BRINP3: variants seen among roughly 807,000 people sequenced by gnomAD.
The protein encoded by BRINP3 is BMP/retinoic acid inducible neural specific 3.
BRINP3 carries 19 observed loss-of-function variants against 71.0 expected under a neutral mutation model. The ratio of observed to expected loss-of-function variants is 0.27; its 90% CI spans 0.19 to 0.39. The LOEUF (loss-of-function observed/expected upper bound fraction) is 0.39. Ranked by LOEUF, BRINP3 falls within the 10% of genes least tolerant of loss-of-function variation. BRINP3 has a pLI of 1.00. For missense variants in BRINP3, 959 were observed against 940.8 expected (o/e 1.02, Z -0.25); for synonymous variants, 380 against 337.7 (o/e 1.13, Z -1.37).
Position 190,203,776 on chromosome 1 carries a change from T to TAC in BRINP3, c.961+22305_961+22306insGT, listed in dbSNP as rs1655234664. Among the ~76,000 whole-genome samples the TAC allele has an allele frequency of 2.5e-5, 2 of 80,508 alleles. 1 individual carries two copies. The highest frequency in any genetic ancestry group is 1.2e-4 in the African/African-American group (2 of 17,236). The allele number at this position is 80,508 out of a possible 152,430, so 52.8% of individuals were successfully genotyped here. A position where few individuals can be genotyped will look rare whatever the true frequency, so the allele number is the denominator to read the frequency against. On this transcript the variant is annotated intron_variant, in intron 6 of 7. Transcript: ENST00000367462. Reference sequence around the variant, plus strand: ...ATATATATATATATATATATATATATATATATATATATATATATATATATA... The same window carrying TAC: ...ATATATATATATATATATATATATATACATATATATATATATATATATATATA...
intron 2 of BRINP3, among the ~76,000 whole-genome samples, chr1:190,364,327 G>T (rs1669347539): frequency 1.3e-5 from 2 of 152,068 alleles, no homozygotes; most frequent in African/African-American, 2.4e-5. Flanking sequence ...AGATTGAAAT[G>T]ATACTTGAAT....
intron 6 of BRINP3, among the ~76,000 whole-genome samples, chr1:190,214,286 T>G (rs1656223716): frequency 6.6e-6 from 1 of 152,060 alleles, no homozygotes; most frequent in South Asian, 2.1e-4. Context: ...ATAAATAACT[T>G]GCTTTTGGTT....
At chr1:190,284,454 T>C (rs1663269101) in intron 2 of BRINP3, among the ~76,000 whole-genome samples, 1 of 152,034 alleles carries the variant, frequency 6.6e-6, no homozygotes, top group East Asian at 1.9e-4. Context: ...ATGAATAAAT[T>C]GCCATTCAAA....
At chr1:190,109,758 C>A (rs1571721951) in intron 7 of BRINP3, among the ~76,000 whole-genome samples, 1 of 152,182 alleles carries the variant, frequency 6.6e-6, no homozygotes, top group South Asian at 2.1e-4. Flanking sequence ...TTTTCCCTGC[C>A]CTTGGGCATC....
intron 2 of BRINP3, among the ~76,000 whole-genome samples, chr1:190,383,616 GA>G (rs1230278715): frequency 6.6e-6 from 1 of 151,920 alleles, no homozygotes; most frequent in Non-Finnish European, 1.5e-5. Context: ...TTTCAAATAA[GA>G]AACCCTAGAA....
intron 6 of BRINP3, among the ~76,000 whole-genome samples, chr1:190,204,617 C>T (rs147222485): frequency 5.6e-4 from 85 of 152,082 alleles, no homozygotes; most frequent in Admixed American, 9.8e-4. Flanking sequence ...ACCAGAGTAG[C>T]TCATCCATCA....
intron 2 of BRINP3, among the ~76,000 whole-genome samples, chr1:190,425,654 A>T (rs1673655815): frequency 6.6e-6 from 1 of 151,824 alleles, no homozygotes; most frequent in African/African-American, 2.4e-5. Context: ...TACTAGAAAC[A>T]TGATCTGTAA....
chr1:190,384,926 C>A (rs1360304590), intron 2 of BRINP3, among the ~76,000 whole-genome samples: 5 of 151,856 alleles, frequency 3.3e-5, no homozygotes, highest in Non-Finnish European at 5.9e-5. Context: ...ATATCTACAA[C>A]TATCTGATCT....
intron 3 of BRINP3, among the ~76,000 whole-genome samples, chr1:190,265,871 GTA>G (rs1403643257): frequency 6.6e-6 from 1 of 152,114 alleles, no homozygotes; most frequent in Non-Finnish European, 1.5e-5. Flanking sequence ...ATACAGGTAT[GTA>G]TATATATGTA....
chr1:190,211,177 A>C (rs1464662467), intron 6 of BRINP3, among the ~76,000 whole-genome samples: 1 of 152,044 alleles, frequency 6.6e-6, no homozygotes, highest in Non-Finnish European at 1.5e-5. Context: ...AATTCTCCTC[A>C]AAAAACTGCC....
At chr1:190,217,586 A>C (rs1398136092) in intron 6 of BRINP3, among the ~76,000 whole-genome samples, 1 of 151,978 alleles carries the variant, frequency 6.6e-6, no homozygotes, top group Non-Finnish European at 1.5e-5. Context: ...TTTTTCTGTG[A>C]TGAATTCTTA....
chr1:190,352,591 A>T (rs1668461046), intron 2 of BRINP3, among the ~76,000 whole-genome samples: 2 of 151,976 alleles, frequency 1.3e-5, no homozygotes, highest in Non-Finnish European at 2.9e-5. Flanking sequence ...CCTACTTATA[A>T]TAAAGAATTA....
At chr1:190,104,690 T>C (rs1462015434) in intron 7 of BRINP3, among the ~76,000 whole-genome samples, 1 of 152,078 alleles carries the variant, frequency 6.6e-6, no homozygotes, top group Non-Finnish European at 1.5e-5. Context: ...CTCAAAAATA[T>C]GGAAAACAAT....
At chr1:190,416,913 G>A (rs1002021483) in intron 2 of BRINP3, among the ~76,000 whole-genome samples, 1 of 152,132 alleles carries the variant, frequency 6.6e-6, no homozygotes, top group African/African-American at 2.4e-5. Context: ...TTTTCCTCCA[G>A]ATCCAAGCAA....
intron 2 of BRINP3, among the ~76,000 whole-genome samples, chr1:190,376,548 A>T (rs952772436): frequency 6.6e-6 from 1 of 152,036 alleles, no homozygotes; most frequent in Admixed American, 6.6e-5. Flanking sequence ...CCAGGCAGGT[A>T]CTCAAAATTA....
chr1:190,385,999 C>T (rs1670871157), intron 2 of BRINP3, among the ~76,000 whole-genome samples: 1 of 146,022 alleles, frequency 6.8e-6, no homozygotes, highest in Non-Finnish European at 1.5e-5. Context: ...CCAAACACCG[C>T]ATATTCTCAC....
chr1:190,420,859 G>A (rs1200834407), intron 2 of BRINP3, among the ~76,000 whole-genome samples: 2 of 151,800 alleles, frequency 1.3e-5, no homozygotes, highest in African/African-American at 4.8e-5. Context: ...AAAAGACAAT[G>A]TTTCCAGGGA....
chr1:190,221,032 A>G (rs12404143), intron 6 of BRINP3, among the ~76,000 whole-genome samples: 3 of 152,176 alleles, frequency 2.0e-5, no homozygotes, highest in Admixed American at 2.0e-4. Context: ...AGCCTGGCCA[A>G]CATGGTGAAA....
intron 2 of BRINP3, among the ~76,000 whole-genome samples, chr1:190,383,723 C>A (rs113041492): frequency 6.6e-6 from 1 of 151,926 alleles, no homozygotes; most frequent in Non-Finnish European, 1.5e-5. Context: ...GTCAGAATAA[C>A]ACTAATTTCA....
Sources: gnomAD v4.1 joint callset for allele counts (sites outside exome capture counted in the v4.1 genomes callset) on GRCh38, gnomAD v4.1.1 for gene constraint, MANE v1.5 for transcripts, NCBI Gene and HGNC (gene_info 2026-07-23, HGNC 2026-07-21) for gene names.